The following STON1 variants were observed in gnomAD, a reference collection of about 807,000 sequenced individuals.
The protein encoded by STON1 is stonin 1, also known as stonin-1.
STON1 carries 79 observed loss-of-function variants against 60.9 expected under a neutral mutation model. The ratio of observed to expected loss-of-function variants is 1.30; its 90% CI spans 1.08 to 1.56. The LOEUF (loss-of-function observed/expected upper bound fraction) is 1.56, where lower values mean the gene tolerates loss of function less well. STON1 is among the 40% of genes most tolerant of loss of function. The pLI, the probability that STON1 is intolerant of heterozygous loss-of-function variation, is 0.00. For missense variants in STON1, 1,166 were observed against 858.9 expected (o/e 1.36, Z -4.47); for synonymous variants, 363 against 306.9 (o/e 1.18, Z -1.91).
At chr2:48,547,571 G>A (rs973829508) in intron 1 of STON1, among the ~76,000 whole-genome samples, 2 of 152,212 alleles carry the variant, frequency 1.3e-5, no homozygotes, top group African/African-American at 4.8e-5. Flanking sequence ...GGAAACAAGT[G>A]TGGAAGCAGG....
At chr2:48,565,680 C>A (rs1240797403) in intron 1 of STON1, among the ~76,000 whole-genome samples, 2 of 152,130 alleles carry the variant, frequency 1.3e-5, no homozygotes, top group Admixed American at 6.5e-5. Context: ...CAGAGTTGGG[C>A]CTCTTTAGCT....
At chr2:48,589,868 A>C (rs2103951308) in intron 2 of STON1, among the ~76,000 whole-genome samples, 1 of 152,354 alleles carries the variant, frequency 6.6e-6, no homozygotes, top group Non-Finnish European at 1.5e-5. Flanking sequence ...TTGCAAAATA[A>C]TATGTCTGGC....
At chr2:48,587,417 C>G (rs914022863) in intron 2 of STON1, among the ~76,000 whole-genome samples, 4 of 152,186 alleles carry the variant, frequency 2.6e-5, no homozygotes, top group African/African-American at 9.6e-5. Flanking sequence ...CTCAGCCTCC[C>G]AAGTAGCTGG....
At chr2:48,553,267 T>G (rs777681140) in intron 1 of STON1, among the ~76,000 whole-genome samples, 30 of 152,134 alleles carry the variant, frequency 2.0e-4, no homozygotes, top group Non-Finnish European at 3.8e-4. Context: ...ATATTGTTGC[T>G]GTGCCTTGGA....
intron 1 of STON1, chr2:48,532,030 C>G (rs543179325): frequency 1.3e-5 from 2 of 151,908 alleles, no homozygotes; most frequent in East Asian, 3.9e-4. Context: ...TTATTGTGGT[C>G]TCAAAACATC....
intron 1 of STON1, among the ~76,000 whole-genome samples, chr2:48,538,861 G>A (rs776172653): frequency 8.2e-5 from 12 of 146,326 alleles, no homozygotes; most frequent in South Asian, 2.2e-4. Flanking sequence ...CAAGTGATCC[G>A]CCTGCCGCGG....
In STON1 at chr2:48,551,157, A is replaced by G. The variant is rs1177433896; in HGVS notation, c.-48+20941A>G. On this transcript the variant is annotated intron_variant, in intron 1 of 3. Coordinates refer to ENST00000404752, the MANE Select transcript of STON1 (RefSeq NM_006873.4). Reference sequence around the variant, plus strand: ...CTTCTTAAACCTGGAATTAACATCTATGCTCTGGTGTGTCCTGACTTGTGT... The same window carrying G: ...CTTCTTAAACCTGGAATTAACATCTGTGCTCTGGTGTGTCCTGACTTGTGT... Among the ~76,000 whole-genome samples the G allele has an allele frequency of 2.0e-5, 3 of 152,282 alleles. No individual in the cohort carries two copies. In the South Asian group the frequency reaches 6.2e-4, roughly 32 times the overall value.
intron 3 of STON1, among the ~76,000 whole-genome samples, chr2:48,594,905 G>T (rs143721967): frequency 3.4e-4 from 52 of 152,260 alleles, no homozygotes; most frequent in African/African-American, 1.2e-3. Flanking sequence ...AGGGATAATT[G>T]ATCATATGTC....
At position 48,581,289 on chromosome 2, in the gene STON1, A is replaced by G; in HGVS notation, c.656A>G (p.Lys219Arg). Residue 219 changes from lysine (K) to arginine (R), a missense_variant, in exon 2 of 4, where the codon AAA becomes AGA. Coordinates refer to ENST00000404752, the MANE Select transcript of STON1 (RefSeq NM_006873.4). ...SRNKEMPIDQ[K>R]SLNKCSLNYI... ...AACAAGGAGATGCCTATTGACCAAA[A>G]AAGCCTAAATAAGTGTTCACTCAAC... The G allele has an allele frequency of 6.6e-7, 1 of 1,521,156 alleles. No individual in the cohort carries two copies. Among genetic ancestry groups the G allele is most frequent in the Non-Finnish European group, 8.8e-7 (1 of 1,138,306 alleles). The allele number at this position is 1,521,156 out of a possible 1,614,324, so 94.2% of individuals were successfully genotyped here.
chr2:48,555,459 C>G (rs1375179360), intron 1 of STON1, among the ~76,000 whole-genome samples: 1 of 98,960 alleles, frequency 1.0e-5, no homozygotes, highest in African/African-American at 3.9e-5. Context: ...GCTGACCCCC[C>G]CCACCTCCCT....
chr2:48,571,394 C>T (rs1030926359), intron 1 of STON1, among the ~76,000 whole-genome samples: 2 of 152,130 alleles, frequency 1.3e-5, no homozygotes, highest in South Asian at 4.1e-4. Flanking sequence ...GGGGAAAGTG[C>T]CCAGAAGCTG....
intron 1 of STON1, among the ~76,000 whole-genome samples, chr2:48,541,971 A>C (rs1671673758): frequency 6.6e-6 from 1 of 152,176 alleles, no homozygotes; most frequent in Non-Finnish European, 1.5e-5. Flanking sequence ...TGTCCTTTAG[A>C]TTCTCTATAG....
At position 48,597,805 on chromosome 2, in the gene STON1, T is replaced by G. The variant is rs1674845143; in HGVS notation, c.*2503T>G. The G allele has an allele frequency of 6.6e-6, 1 of 152,452 alleles. No homozygotes were observed. 9.4% of individuals were successfully genotyped at this position (152,452 alleles called of 1,614,324 possible). Reference sequence around the variant, plus strand: ...TAGGGAGGGGAGGCTTATTCAATTCTTCTGACCTCAGAACTGGCAGAAGGT... The same window carrying G: ...TAGGGAGGGGAGGCTTATTCAATTCGTCTGACCTCAGAACTGGCAGAAGGT... On this transcript the variant is annotated 3_prime_UTR_variant, in exon 4 of 4. Transcript: ENST00000404752.
At chr2:48,594,488 T>A (rs1674691447) in intron 3 of STON1, among the ~76,000 whole-genome samples, 1 of 152,218 alleles carries the variant, frequency 6.6e-6, no homozygotes, top group Non-Finnish European at 1.5e-5. Context: ...GACACAGCAG[T>A]GTGAACAGAG....
intron 1 of STON1, among the ~76,000 whole-genome samples, chr2:48,576,619 T>C (rs1372253466): frequency 6.6e-6 from 1 of 152,102 alleles, no homozygotes; most frequent in Non-Finnish European, 1.5e-5. Context: ...CATCTTTTCA[T>C]ATATTTTCTG....
chr2:48,594,658 CA>C (rs1159145451), intron 3 of STON1, among the ~76,000 whole-genome samples: 5 of 152,026 alleles, frequency 3.3e-5, no homozygotes, highest in African/African-American at 4.8e-5. Flanking sequence ...AGGGCTTTAT[CA>C]GGGGTAGTCC....
chr2:48,543,467 T>A (rs1671742365), intron 1 of STON1, among the ~76,000 whole-genome samples: 1 of 152,084 alleles, frequency 6.6e-6, no homozygotes. Flanking sequence ...TCTCTTTGCC[T>A]TATTTGTTAA....
chr2:48,588,372 G>A (rs545091546), intron 2 of STON1, among the ~76,000 whole-genome samples: 27 of 152,156 alleles, frequency 1.8e-4, no homozygotes, highest in Non-Finnish European at 1.0e-4. Flanking sequence ...AAGATACTTC[G>A]AAAATGGAAA....
intron 1 of STON1, among the ~76,000 whole-genome samples, chr2:48,541,092 G>C (rs1572926362): frequency 6.6e-6 from 1 of 152,218 alleles, no homozygotes; most frequent in Admixed American, 6.5e-5. Context: ...GCTCACGCCT[G>C]TAATCCCAGA....
Sources: allele counts gnomAD v4.1 joint callset (sites outside exome capture counted in the v4.1 genomes callset), GRCh38; gene constraint gnomAD v4.1.1; transcripts MANE v1.5; gene names NCBI Gene and HGNC (gene_info 2026-07-23, HGNC 2026-07-21).